TRPA1: variants seen among roughly 807,000 people sequenced by gnomAD.
TRPA1 encodes transient receptor potential cation channel subfamily A member 1.
In TRPA1, 129 loss-of-function variants were observed where a neutral mutation model predicts 131.3. The ratio of observed to expected loss-of-function variants is 0.98; its 90% CI spans 0.85 to 1.14. TRPA1 has a LOEUF of 1.14. TRPA1 is among the 50% of genes most tolerant of loss of function. TRPA1 has a pLI of 0.00. For synonymous variants in TRPA1, 441 were observed against 451.7 expected (o/e 0.98, Z 0.30); for missense variants, 1,304 against 1,354.2 (o/e 0.96, Z 0.58).
rs1302547717 is a variant in TRPA1 at position 72,057,757 on chromosome 8, AG to A, written c.1052del (p.Ala351ValfsTer8). On this transcript the variant is annotated frameshift_variant, in exon 9 of 27. Coordinates refer to ENST00000262209, the MANE Select transcript of TRPA1 (RefSeq NM_007332.3). LOFTEE classifies it high-confidence loss of function. ...AATTTACAATATTCCAAGATGCAGAAGCAGTTGCTAATATAAGTGGAGAGCG... is the reference window on the plus strand; with the variant it reads ...AATTTACAATATTCCAAGATGCAGAACAGTTGCTAATATAAGTGGAGAGCG... Reference protein sequence around the residue: ...EGRSPLILATASASWNIVNLL... With the variant: ...EGRSPLILATXSASWNIVNLL... The A allele has an allele frequency of 6.2e-7, 1 of 1,614,010 alleles. No homozygotes were observed. The highest frequency in any genetic ancestry group is 8.5e-7 in the Non-Finnish European group (1 of 1,179,918).
chr8:72,089,840 A>G, the TRPA1 span, among the ~76,000 whole-genome samples: 2 of 152,112 alleles, frequency 1.3e-5, no homozygotes, highest in African/African-American at 2.4e-5. Flanking sequence ...TTAGTATAAT[A>G]ATTATACTTA....
intron 16 of TRPA1, 34 bp downstream of exon 16, chr8:72,047,109 CAAAAT>C: frequency 1.4e-6 from 2 of 1,446,250 alleles, no homozygotes; most frequent in Non-Finnish European, 9.7e-7. Flanking sequence ...AGAATTATAA[CAAAAT>C]AAATTTCAGA....
At chr8:72,069,875 C>A (rs1806018870) in intron 2 of TRPA1, among the ~76,000 whole-genome samples, 1 of 152,038 alleles carries the variant, frequency 6.6e-6, no homozygotes, top group Admixed American at 6.6e-5. Context: ...TAAGTCATGT[C>A]TTTAAAGATC....
rs75403800 is a variant in TRPA1 at position 72,060,291 on chromosome 8, T to C, written c.945-853A>G. 3.0e-4 allele frequency: 46 copies of C among 152,216 alleles called. 1 individual carries two copies. In the East Asian group the frequency reaches 8.7e-3, roughly 29 times the overall value. 9.4% of individuals were successfully genotyped at this position (152,216 alleles called of 1,614,324 possible). A position where few individuals can be genotyped will look rare whatever the true frequency, so the allele number is the denominator to read the frequency against. On this transcript the variant is annotated intron_variant, in intron 7 of 26. Transcript: ENST00000262209. ...CCAAATCATTGGGTTTGTAAATTGGTGAAACATTGGAATCAAAGAGTTTTT... is the reference window on the plus strand; with the variant it reads ...CCAAATCATTGGGTTTGTAAATTGGCGAAACATTGGAATCAAAGAGTTTTT...
intron 3 of TRPA1, among the ~76,000 whole-genome samples, chr8:72,066,785 A>T (rs1406184840): frequency 3.3e-5 from 5 of 152,192 alleles, no homozygotes; most frequent in African/African-American, 1.2e-4. Flanking sequence ...ATCATAGATC[A>T]TAAAGGTATA....
At chr8:72,045,066 T>TTTTTAA (rs1812382293) in intron 17 of TRPA1, among the ~76,000 whole-genome samples, 1 of 152,000 alleles carries the variant, frequency 6.6e-6, no homozygotes, top group South Asian at 2.1e-4. Flanking sequence ...TGCAACAAAT[T>TTTTTAA]TTCTAAGTAT....
At chr8:72,070,042 C>T (rs1391437239) in intron 2 of TRPA1, among the ~76,000 whole-genome samples, 1 of 152,182 alleles carries the variant, frequency 6.6e-6, no homozygotes, top group Non-Finnish European at 1.5e-5. Context: ...GTACTATGTA[C>T]CCCGTGAGCT....
chr8:72,070,520 A>AGGACCC (rs1390044896), intron 2 of TRPA1, among the ~76,000 whole-genome samples: 1 of 152,132 alleles, frequency 6.6e-6, no homozygotes, highest in Non-Finnish European at 1.5e-5. Flanking sequence ...AATCATTTTT[A>AGGACCC]TTTTTATAGA....
At chr8:72,071,267 C>G (rs1490723948) in intron 2 of TRPA1, among the ~76,000 whole-genome samples, 1 of 152,156 alleles carries the variant, frequency 6.6e-6, no homozygotes, top group Non-Finnish European at 1.5e-5. Context: ...TGGCATCCAC[C>G]TCCTTCATTG....
intron 12 of TRPA1, chr8:72,054,204 A>G: frequency 3.3e-6 from 1 of 299,846 alleles, no homozygotes; most frequent in Admixed American, 4.8e-5. Context: ...GAACTGATAC[A>G]CATCAATTTA....
chr8:72,071,878 T>G lies in TRPA1; in HGVS notation c.112-11A>C. 1.2e-6 allele frequency: 2 copies of G among 1,610,754 alleles called. No homozygotes were observed. The highest frequency in any genetic ancestry group is 1.7e-6 in the Non-Finnish European group (2 of 1,179,240). ...TCCTTCAAAAACCACCTAGAGGTAT[T>G]TAAACACCATTATACCAAACAAGCA... On this transcript the variant is annotated splice_polypyrimidine_tract_variant and intron_variant, in intron 1 of 26. Transcript: ENST00000262209.
intron 17 of TRPA1, among the ~76,000 whole-genome samples, chr8:72,040,510 G>A (rs1812216546): frequency 6.6e-6 from 1 of 152,080 alleles, no homozygotes; most frequent in African/African-American, 2.4e-5. Context: ...CCTCCGTCTG[G>A]CAAAGCACAG....
intron 24 of TRPA1, among the ~76,000 whole-genome samples, chr8:72,026,637 A>C (rs1811620151): frequency 6.6e-6 from 1 of 152,178 alleles, no homozygotes; most frequent in Non-Finnish European, 1.5e-5. Flanking sequence ...TCAGGTGCAA[A>C]ATGGTTTCTC....
In TRPA1 at chr8:72,052,774, G is replaced by A. The variant is rs751463785; in HGVS notation, c.1645-9C>T. 3.6e-5 allele frequency: 58 copies of A among 1,611,906 alleles called. 1 individual carries two copies. In the South Asian group the frequency reaches 5.8e-4, roughly 16 times the overall value. ...AAGTGAAGTGCAGTGTTCTTTTGAAGAAAAACAGACACAGAAAACGTGGTG... is the reference window on the plus strand; with the variant it reads ...AAGTGAAGTGCAGTGTTCTTTTGAAAAAAAACAGACACAGAAAACGTGGTG... On this transcript the variant is annotated splice_polypyrimidine_tract_variant and intron_variant, in intron 13 of 26. Coordinates refer to ENST00000262209, the MANE Select transcript of TRPA1 (RefSeq NM_007332.3).
In TRPA1 at chr8:72,042,755, C is replaced by G. The variant is rs78983113; in HGVS notation, c.2062-2958G>C. On this transcript the variant is annotated intron_variant, in intron 17 of 26. Transcript: ENST00000262209. ...AAAGAAGGAAGTCTTGTCACATGCTCTAACATGGATGAACCTTAAGGAGAT... is the reference window on the plus strand; with the variant it reads ...AAAGAAGGAAGTCTTGTCACATGCTGTAACATGGATGAACCTTAAGGAGAT... Among the ~76,000 whole-genome samples, 184 of 151,946 alleles carry G rather than the reference C, an allele frequency of 1.2e-3. 6 individuals carry two copies. In the East Asian group the frequency reaches 0.032, roughly 26 times the overall value.
chr8:72,029,485 T>C (rs1397016336), intron 24 of TRPA1, among the ~76,000 whole-genome samples: 1 of 152,214 alleles, frequency 6.6e-6, no homozygotes, highest in Non-Finnish European at 1.5e-5. Flanking sequence ...CCATGCTAAG[T>C]AACTGTGCTC....
At chr8:72,056,610 T>C (rs1439708459) in intron 10 of TRPA1, among the ~76,000 whole-genome samples, 2 of 152,116 alleles carry the variant, frequency 1.3e-5, no homozygotes, top group Non-Finnish European at 2.9e-5. Flanking sequence ...ATGCAAATCA[T>C]AATGGTCAAA....
upstream of TRPA1, among the ~76,000 whole-genome samples, chr8:72,078,296 G>A (rs1003929020): frequency 6.6e-6 from 1 of 152,064 alleles, no homozygotes; most frequent in Non-Finnish European, 1.5e-5. Flanking sequence ...ACAGTTTGAT[G>A]ACTTGTAGTA....
At chr8:72,042,477 G>A (rs1812288182) in intron 17 of TRPA1, among the ~76,000 whole-genome samples, 1 of 151,756 alleles carries the variant, frequency 6.6e-6, no homozygotes. Flanking sequence ...AATGTAAAAT[G>A]GAACAGTCAT....
Sources: allele counts gnomAD v4.1 joint callset (sites outside exome capture counted in the v4.1 genomes callset), GRCh38; gene constraint gnomAD v4.1.1; transcripts MANE v1.5; gene names NCBI Gene and HGNC (gene_info 2026-07-23, HGNC 2026-07-21).